The following MYT1L variants were observed in gnomAD, a reference collection of about 807,000 sequenced individuals.
The protein encoded by MYT1L is myelin transcription factor 1 like, also known as myelin transcription factor 1-like protein.
MYT1L carries 12 observed loss-of-function variants against 126.7 expected under a neutral mutation model. The observed-to-expected ratio is 0.09, with a 90% CI of 0.06 to 0.15. The LOEUF (loss-of-function observed/expected upper bound fraction) is 0.15. Ranked by LOEUF, MYT1L falls within the 10% of genes least tolerant of loss-of-function variation. MYT1L has a pLI of 1.00. For synonymous variants in MYT1L, 541 were observed against 604.2 expected, an observed-to-expected ratio of 0.90 and a Z score of 1.53; for missense variants, 979 against 1,585.2, an observed-to-expected ratio of 0.62 and a Z score of 6.49.
At chr2:1,970,493 C>G (rs2059729926) in intron 8 of MYT1L, among the ~76,000 whole-genome samples, 1 of 151,582 alleles carries the variant, frequency 6.6e-6, no homozygotes. Flanking sequence ...TGAGTAGTTG[C>G]AATGGACAGA....
chr2:1,802,703 G>T (rs190370306), intron 22 of MYT1L, among the ~76,000 whole-genome samples: 11 of 152,348 alleles, frequency 7.2e-5, no homozygotes, highest in Admixed American at 7.2e-4. Context: ...GGCCGGCTGT[G>T]TCTGGTTACT....
chr2:1,887,456 A>T lies in MYT1L; in HGVS notation c.2642+32T>A. The T allele has an allele frequency of 6.2e-7, 1 of 1,613,814 alleles. No individual in the cohort carries two copies. The highest frequency in any genetic ancestry group is 1.1e-5 in the South Asian group (1 of 91,046). The stretch of plus-strand genomic sequence containing the variant: ...CAGCCAAAGAATGGGAAGATTAAGA[A>T]GATTCATAATTTCACCTCACAGCAT... On this transcript the variant is annotated intron_variant, in intron 17 of 24. Coordinates refer to ENST00000647738, the MANE Select transcript of MYT1L (RefSeq NM_001303052.2). This position sits in a 1 kb window ranked among gnomAD's most constrained non-coding sequence, Gnocchi z 4.8.
intron 21 of MYT1L, among the ~76,000 whole-genome samples, chr2:1,814,301 C>T (rs895126876): frequency 2.0e-5 from 3 of 152,196 alleles, no homozygotes; most frequent in African/African-American, 7.2e-5. Context: ...AGGGCCCGGC[C>T]TGCACCAGGA....
At chr2:1,956,219 A>ATCTATCTG (rs2058353631) in intron 8 of MYT1L, among the ~76,000 whole-genome samples, 1 of 132,978 alleles carries the variant, frequency 7.5e-6, no homozygotes, top group African/African-American at 4.0e-5. Context: ...CTATCTATCT[A>ATCTATCTG]TCTATCTGTC....
chr2:1,800,767 G>A (rs1003171863), intron 23 of MYT1L, among the ~76,000 whole-genome samples: 8 of 152,030 alleles, frequency 5.3e-5, no homozygotes, highest in South Asian at 2.1e-4. Flanking sequence ...GATGGCTGGC[G>A]GTGACACCAT....
chr2:1,980,652 C>T (rs1170143935), intron 5 of MYT1L, among the ~76,000 whole-genome samples: 6 of 152,140 alleles, frequency 3.9e-5, no homozygotes, highest in Non-Finnish European at 8.8e-5. Context: ...CTATTTAATA[C>T]ATGAGAAAAC....
chr2:1,840,904 C>CT (rs1224216473), intron 19 of MYT1L, 61 bp from the exon 20 acceptor site: 27,022 of 744,988 alleles, frequency 0.036, 12 homozygotes, highest in Admixed American at 0.052. Flanking sequence ...AGCTTTCTTT[C>CT]TTTTTTTTTT....
intron 18 of MYT1L, among the ~76,000 whole-genome samples, chr2:1,882,810 G>C (rs1429167211): frequency 6.6e-6 from 1 of 152,194 alleles, no homozygotes; most frequent in Non-Finnish European, 1.5e-5. Flanking sequence ...GTTTACAGTG[G>C]AGAATCTAAG....
intron 2 of MYT1L, among the ~76,000 whole-genome samples, chr2:2,259,383 T>A (rs1223127810): frequency 7.6e-6 from 1 of 131,094 alleles, no homozygotes; most frequent in Non-Finnish European, 1.5e-5. Context: ...ACCCTAAAAC[T>A]TAGAGTATAA....
chr2:1,791,314 A>G lies in MYT1L; in HGVS notation c.*553T>C. Reference sequence around the variant, plus strand: ...ATAATATTTCCAAGCATTGTTCAAAAATAAAGCATTTTTGCAACGAATTCT... The same window carrying G: ...ATAATATTTCCAAGCATTGTTCAAAGATAAAGCATTTTTGCAACGAATTCT... On this transcript the variant is annotated 3_prime_UTR_variant, in exon 25 of 25. Coordinates refer to ENST00000647738, the MANE Select transcript of MYT1L (RefSeq NM_001303052.2). This position sits in a 1 kb window ranked among gnomAD's most constrained non-coding sequence, Gnocchi z 6.0. 2.2e-6 allele frequency: 1 copy of G among 451,756 alleles called. No individual in the cohort carries two copies. Among genetic ancestry groups the G allele is most frequent in the Non-Finnish European group, 4.5e-6 (1 of 220,248 alleles). The allele number at this position is 451,756 out of a possible 1,614,324, so 28.0% of individuals were successfully genotyped here. A position where few individuals can be genotyped will look rare whatever the true frequency, so the allele number is the denominator to read the frequency against.
At chr2:1,809,054 C>T (rs370044906) in intron 22 of MYT1L, 22 bp downstream of exon 22, 163 of 1,611,904 alleles carry the variant, frequency 1.0e-4, no homozygotes, top group Middle Eastern at 1.6e-4. Flanking sequence ...ATGGGTGCCA[C>T]GAGGGCTGGA....
intron 5 of MYT1L, among the ~76,000 whole-genome samples, chr2:1,989,740 T>C (rs745700797): frequency 5.3e-5 from 8 of 152,154 alleles, no homozygotes; most frequent in Non-Finnish European, 1.0e-4. Context: ...CTCACACCTG[T>C]AATCCCAGCA....
intron 5 of MYT1L, among the ~76,000 whole-genome samples, chr2:1,986,063 G>C (rs934429270): frequency 1.3e-5 from 2 of 152,252 alleles, no homozygotes; most frequent in African/African-American, 4.8e-5. Context: ...CTTTCAGGCA[G>C]GTGGACGTCC....
chr2:1,911,912 G>A, intron 12 of MYT1L, 108 bp downstream of exon 12: 2 of 786,092 alleles, frequency 2.5e-6, no homozygotes, highest in South Asian at 2.6e-5. Flanking sequence ...CGCACTTGGG[G>A]AGCACGGTGG....
intron 3 of MYT1L, among the ~76,000 whole-genome samples, chr2:2,133,723 T>C (rs1165589788): frequency 2.6e-5 from 4 of 152,190 alleles, no homozygotes; most frequent in African/African-American, 7.2e-5. Context: ...GTGGCCAACA[T>C]GTCCCCGTCT....
At chr2:1,991,761 A>C (rs1211727570) in intron 5 of MYT1L, among the ~76,000 whole-genome samples, 1 of 152,010 alleles carries the variant, frequency 6.6e-6, no homozygotes, top group Admixed American at 6.5e-5. Context: ...ATCACTTTTA[A>C]CATCCTTCTT....
intron 4 of MYT1L, among the ~76,000 whole-genome samples, chr2:2,017,802 T>C (rs1025997252): frequency 6.6e-6 from 1 of 152,196 alleles, no homozygotes; most frequent in African/African-American, 2.4e-5. Context: ...GTTCACTGTC[T>C]TCCTGTATGT....
At position 1,852,880 on chromosome 2, in the gene MYT1L, A is replaced by G. The variant is rs111445458; in HGVS notation, c.2712-1177T>C. Among the ~76,000 whole-genome samples, 1,135 of 152,278 alleles carry G rather than the reference A, an allele frequency of 7.5e-3. 18 individuals carry two copies. Among genetic ancestry groups the G allele is most frequent in the African/African-American group, 0.026 (1,092 of 41,558 alleles). ...ATGTCTACTGCTCCTAGAGATTTCA[A>G]TTTGCTTTCCACTCAGAAAGTCACT... On this transcript the variant is annotated intron_variant, in intron 18 of 24. Transcript: ENST00000647738. The surrounding 1 kb of genome is among the most constrained non-coding windows in gnomAD (Gnocchi z 4.0).
At chr2:1,860,363 C>G (rs147137588) in intron 18 of MYT1L, among the ~76,000 whole-genome samples, 2 of 152,078 alleles carry the variant, frequency 1.3e-5, no homozygotes, top group African/African-American at 2.4e-5. Context: ...GCAACAGAAA[C>G]GCCACCCCAG....
Sources: allele counts gnomAD v4.1 joint callset (sites outside exome capture counted in the v4.1 genomes callset), GRCh38; gene constraint gnomAD v4.1.1; non-coding constraint Gnocchi (gnomAD v3.1); transcripts MANE v1.5; gene names NCBI Gene and HGNC (gene_info 2026-07-23, HGNC 2026-07-21).